ZC3HC1: variants seen among roughly 807,000 people sequenced by gnomAD.
ZC3HC1 encodes the protein zinc finger C3HC-type containing 1.
Under a neutral mutation model 61.9 loss-of-function variants are expected in ZC3HC1, and 38 were observed. The ratio of observed to expected loss-of-function variants is 0.61; its 90% CI spans 0.47 to 0.81. ZC3HC1 has a LOEUF of 0.81. Among genes scored for constraint, ZC3HC1 ranks in the 30% least tolerant of loss-of-function variants. The pLI, the probability that ZC3HC1 is intolerant of heterozygous loss-of-function variation, is 0.00. For synonymous variants in ZC3HC1, 213 were observed against 229.9 expected (o/e 0.93, Z 0.67); for missense variants, 554 against 622.7 (o/e 0.89, Z 1.17).
intron 2 of ZC3HC1, among the ~76,000 whole-genome samples, chr7:130,041,722 T>C (rs952221141): frequency 6.6e-6 from 1 of 151,550 alleles, no homozygotes; most frequent in Non-Finnish European, 1.5e-5. Context: ...AGAGATAGGG[T>C]TTCATCATCT....
At chr7:130,041,134 ATATATATATATGTGTGTG>A (rs780639958) in intron 2 of ZC3HC1, 33 bp from the exon 3 acceptor site, 403 of 1,545,498 alleles carry the variant, frequency 2.6e-4, no homozygotes, top group Middle Eastern at 5.1e-4. Flanking sequence ...CACAGCAAAT[ATATATATATATGTGTGTG>A]TATGTGTGTG....
At chr7:130,025,253 C>A (rs1473650474) in intron 6 of ZC3HC1, among the ~76,000 whole-genome samples, 1 of 150,696 alleles carries the variant, frequency 6.6e-6, no homozygotes, top group Non-Finnish European at 1.5e-5. Context: ...AAAAAACATT[C>A]CTTAATCTAC....
intron 9 of ZC3HC1, among the ~76,000 whole-genome samples, chr7:130,022,053 T>C (rs1222078859): frequency 6.6e-6 from 1 of 151,914 alleles, no homozygotes; most frequent in Non-Finnish European, 1.5e-5. Flanking sequence ...GCGCCTGTAA[T>C]CCTAGCTACT....
At chr7:130,040,808 CAAAAAA>C in intron 3 of ZC3HC1, 137 bp downstream of exon 3, 1 of 631,328 alleles carries the variant, frequency 1.6e-6, no homozygotes, top group Non-Finnish European at 2.4e-6. Flanking sequence ...GACCCCATCT[CAAAAAA>C]AAAAAAAAAG....
At chr7:130,018,790 G>T in intron 9 of ZC3HC1, 58 bp from the exon 10 acceptor site, 7 of 1,442,752 alleles carry the variant, frequency 4.9e-6, no homozygotes, top group Non-Finnish European at 5.8e-6. Context: ...ACAAAGGATA[G>T]ATCATTTGTC....
chr7:130,043,011 G>A (rs116945459), intron 2 of ZC3HC1, among the ~76,000 whole-genome samples: 1,750 of 152,240 alleles, frequency 0.011, 17 homozygotes, highest in Non-Finnish European at 0.016. Context: ...TATGTGGGCC[G>A]GGTGCGGTGG....
intron 4 of ZC3HC1, among the ~76,000 whole-genome samples, chr7:130,037,430 G>A (rs1794472597): frequency 6.6e-6 from 1 of 152,142 alleles, no homozygotes; most frequent in African/African-American, 2.4e-5. Context: ...CTGGGCGACA[G>A]AGCAAGACTC....
At chr7:130,032,798 A>AGGGAGGGAGG (rs1794273771) in intron 4 of ZC3HC1, among the ~76,000 whole-genome samples, 4 of 68,758 alleles carry the variant, frequency 5.8e-5, no homozygotes, top group African/African-American at 1.8e-4. Context: ...AGGGAAGGAA[A>AGGGAGGGAGG]GGAAGGGAAG....
intron 6 of ZC3HC1, among the ~76,000 whole-genome samples, chr7:130,024,870 A>ACAC (rs1443265303): frequency 4.3e-5 from 6 of 139,046 alleles, no homozygotes; most frequent in East Asian, 2.4e-4. Flanking sequence ...AACAACAACA[A>ACAC]CACAAAAAGT....
chr7:130,040,885 C>G (rs963015424), intron 3 of ZC3HC1, 66 bp downstream of exon 3: 3 of 1,440,346 alleles, frequency 2.1e-6, no homozygotes, highest in African/African-American at 1.5e-5. Context: ...TTTTTTCCCC[C>G]CCCAGAAAAC....
At chr7:130,043,825 G>A (rs747044532) in intron 2 of ZC3HC1, 127 of 455,676 alleles carry the variant, frequency 2.8e-4, no homozygotes, top group Non-Finnish European at 4.6e-4. Flanking sequence ...TGCAAGAAAG[G>A]ATGGCAGCAT....
At position 130,022,303 on chromosome 7, in the gene ZC3HC1, C is replaced by T. The variant is rs755894310; in HGVS notation, c.1440+16G>A. 1 of 1,614,002 alleles carries T rather than the reference C, an allele frequency of 6.2e-7. No individual in the cohort carries two copies. Among genetic ancestry groups the T allele is most frequent in the South Asian group, 1.1e-5 (1 of 91,084 alleles). On this transcript the variant is annotated intron_variant, in intron 9 of 9. Coordinates refer to ENST00000358303, the MANE Select transcript of ZC3HC1 (RefSeq NM_016478.5). Reference sequence around the variant, plus strand: ...CAGCAAGTGCTGCCCACACACAAGGCAGTGGCGTATCTCACCATGGAGTCC... The same window carrying T: ...CAGCAAGTGCTGCCCACACACAAGGTAGTGGCGTATCTCACCATGGAGTCC...
chr7:130,021,840 G>A (rs1052151235), intron 9 of ZC3HC1, among the ~76,000 whole-genome samples: 2 of 152,102 alleles, frequency 1.3e-5, no homozygotes, highest in African/African-American at 4.8e-5. Context: ...AGACGAACCG[G>A]TTCTATGCCT....
At chr7:130,051,108 C>T in intron 1 of ZC3HC1, 113 bp downstream of exon 1, 1 of 1,342,220 alleles carries the variant, frequency 7.5e-7, no homozygotes, top group Non-Finnish European at 1.0e-6. Context: ...TCTAAGAAGC[C>T]ATCCCCACTG....
chr7:130,047,816 T>C (rs1183230602), intron 2 of ZC3HC1, among the ~76,000 whole-genome samples: 1 of 152,202 alleles, frequency 6.6e-6, no homozygotes, highest in Non-Finnish European at 1.5e-5. Flanking sequence ...TTGTGTTATC[T>C]GCTCCTCTTG....
chr7:130,046,066 A>G (rs1167230183), intron 2 of ZC3HC1, among the ~76,000 whole-genome samples: 1 of 152,080 alleles, frequency 6.6e-6, no homozygotes, highest in Non-Finnish European at 1.5e-5. Flanking sequence ...AACCAAACAC[A>G]TGTTCTCACT....
Position 130,045,611 on chromosome 7 carries a change from C to T in ZC3HC1, c.258+3422G>A, listed in dbSNP as rs1249337807. On this transcript the variant is annotated intron_variant, in intron 2 of 9. Coordinates refer to ENST00000358303, the MANE Select transcript of ZC3HC1 (RefSeq NM_016478.5). ...ATTTGCTGCACTTTCCTTTATAAGA[C>T]ATCAACTGGGCCAGGTGCAGTGGCT... 1.1e-5 allele frequency: 5 copies of T among 441,156 alleles called. No homozygotes were observed. The East Asian group carries it at 3.7e-4, about 32-fold the overall frequency. The allele number at this position is 441,156 out of a possible 1,614,324, so 27.3% of individuals were successfully genotyped here.
At chr7:130,044,464 T>C in intron 2 of ZC3HC1, among the ~76,000 whole-genome samples, 1 of 152,158 alleles carries the variant, frequency 6.6e-6, no homozygotes, top group East Asian at 1.9e-4. Context: ...TCATGGGTTA[T>C]GGGACATGTC....
chr7:130,027,535 T>C (rs1381913200), intron 5 of ZC3HC1: 3 of 152,884 alleles, frequency 2.0e-5, no homozygotes, highest in African/African-American at 7.2e-5. Flanking sequence ...TATTTTATTT[T>C]TGAGATGGAG....
Sources: gnomAD v4.1 joint callset for allele counts (sites outside exome capture counted in the v4.1 genomes callset) on GRCh38, gnomAD v4.1.1 for gene constraint, MANE v1.5 for transcripts, NCBI Gene and HGNC (gene_info 2026-07-23, HGNC 2026-07-21) for gene names.